Variants in OTUD7B observed in about 807,000 individuals in gnomAD.
OTUD7B encodes OTU domain-containing protein 7B.
Under a neutral mutation model 82.2 loss-of-function variants are expected in OTUD7B, and 34 were observed. That is an observed-to-expected ratio of 0.41 (90% CI 0.31 to 0.55). OTUD7B has a LOEUF of 0.55. OTUD7B is among the 20% of genes least tolerant of loss of function. The pLI, the probability that OTUD7B is intolerant of heterozygous loss-of-function variation, is 0.20. For missense variants in OTUD7B, 944 were observed against 1,062.1 expected (o/e 0.89, Z 1.55); for synonymous variants, 398 against 402.7 (o/e 0.99, Z 0.14).
chr1:150,022,424 T>A, the OTUD7B span, among the ~76,000 whole-genome samples: 96,759 of 104,274 alleles, frequency 0.93, 46,278 homozygotes, highest in South Asian at 0.99. Context: ...AAAAAAAAAA[T>A]AACTACATGC....
intron 5 of OTUD7B, among the ~76,000 whole-genome samples, chr1:149,965,092 C>T (rs1487836711): frequency 1.4e-5 from 2 of 146,710 alleles, no homozygotes; most frequent in Non-Finnish European, 3.0e-5. Flanking sequence ...GGGGTTTCAC[C>T]GTGTTGGCCA....
In OTUD7B at chr1:150,010,640, C is replaced by G. The variant is rs587655895; in HGVS notation, c.-259G>C. On this transcript the variant is annotated 5_prime_UTR_variant, in exon 1 of 12. Transcript: ENST00000581312. The stretch of plus-strand genomic sequence containing the variant: ...GATCTGGAGCTGGAGCCAGAAAGGA[C>G]TGATCGGGACTGGCCTCCCCCAGTG... The G allele has an allele frequency of 3.3e-5, 5 of 153,002 alleles. No homozygotes were observed. The highest frequency in any genetic ancestry group is 3.3e-4 in the Admixed American group (5 of 15,304). 9.5% of individuals were successfully genotyped at this position (153,002 alleles called of 1,614,324 possible). A position where few individuals can be genotyped will look rare whatever the true frequency, so the allele number is the denominator to read the frequency against.
the OTUD7B span, among the ~76,000 whole-genome samples, chr1:150,032,574 G>T: frequency 6.6e-6 from 1 of 151,668 alleles, no homozygotes. Context: ...GTTTAAGGCT[G>T]CAGTGAGACA....
intron 1 of OTUD7B, among the ~76,000 whole-genome samples, chr1:150,009,352 GTCCTTT>G (rs1652874301): frequency 1.3e-5 from 2 of 152,068 alleles, no homozygotes; most frequent in African/African-American, 4.8e-5. Context: ...TCTCTACTCT[GTCCTTT>G]TCCACCTTTG....
intron 3 of OTUD7B, among the ~76,000 whole-genome samples, chr1:149,968,216 A>G (rs1649649914): frequency 7.0e-6 from 1 of 142,938 alleles, no homozygotes. Context: ...GTGAGCCAAG[A>G]TTGTGCCACT....
At chr1:149,964,947 T>C (rs1455007795) in intron 5 of OTUD7B, among the ~76,000 whole-genome samples, 1 of 148,974 alleles carries the variant, frequency 6.7e-6, no homozygotes, top group Non-Finnish European at 1.5e-5. Flanking sequence ...TGGAGTACAG[T>C]GGTGCGATCT....
chr1:149,996,073 T>C (rs782705058), intron 1 of OTUD7B, among the ~76,000 whole-genome samples: 1 of 152,250 alleles, frequency 6.6e-6, no homozygotes, highest in Non-Finnish European at 1.5e-5. Context: ...CCAACTCGCA[T>C]GACCACATTA....
At chr1:150,009,956 A>AACACACAC (rs368706358) in intron 1 of OTUD7B, among the ~76,000 whole-genome samples, 1 of 151,076 alleles carries the variant, frequency 6.6e-6, no homozygotes, top group East Asian at 1.9e-4. Flanking sequence ...CACACACACA[A>AACACACAC]ACACACACAC....
chr1:150,029,671 TG>T, the OTUD7B span, among the ~76,000 whole-genome samples: 6 of 152,186 alleles, frequency 3.9e-5, no homozygotes, highest in African/African-American at 1.4e-4. Context: ...AGCAATTTGG[TG>T]GTTGCATTCT....
intron 1 of OTUD7B, 60 bp from the exon 2 acceptor site, chr1:149,977,636 C>T (rs1650418284): frequency 4.5e-6 from 3 of 671,224 alleles, no homozygotes; most frequent in Non-Finnish European, 8.0e-6. Flanking sequence ...ATCACAGTCC[C>T]ATGTCAGCAG....
chr1:149,987,241 G>A (rs1268515320), intron 1 of OTUD7B, among the ~76,000 whole-genome samples: 1 of 152,106 alleles, frequency 6.6e-6, no homozygotes, highest in African/African-American at 2.4e-5. Context: ...GAGAACATAC[G>A]CTCACATACA....
upstream of OTUD7B, among the ~76,000 whole-genome samples, chr1:150,012,375 C>G (rs1007053453): frequency 1.1e-4 from 17 of 152,118 alleles, no homozygotes; most frequent in Non-Finnish European, 1.6e-4. Context: ...ATTCTAGTAA[C>G]TCTACACAAA....
rs1408123431 is a variant in OTUD7B, at chr1:149,944,875, T to G, written c.1514A>C (p.Lys505Thr). The G allele has an allele frequency of 6.2e-7, 1 of 1,614,056 alleles. No homozygotes were observed. The highest frequency in any genetic ancestry group is 1.3e-5 in the African/African-American group (1 of 74,920). Residue 505 changes from lysine to threonine, a missense_variant, in exon 12 of 12, where the codon AAA (lysine) becomes ACA (threonine). By Grantham distance (78) the Lys-to-Thr change is moderately conservative (BLOSUM62 -1). Around this residue, in one of 3 missense-constraint regions of OTUD7B, gnomAD observed 2 missense variants for 17.8 expected, o/e 0.11. Coordinates refer to ENST00000581312, the MANE Select transcript of OTUD7B (RefSeq NM_020205.4). ...CAAGGTTTTGCCAAAGCTGCCCAGT[T>G]TGTTAGCCACAGAATCTGCTCTCTT... ...DKKRADSVAN[K>T]LGSFGKTLGS...
In OTUD7B at chr1:149,946,070, T is replaced by A. The variant is rs782037382; in HGVS notation, c.1324-1005A>T. On this transcript the variant is annotated intron_variant, in intron 11 of 11. Transcript: ENST00000581312. Reference sequence around the variant, plus strand: ...AGTGAAACTCCATCTCAAAGAAAAATAATAATAATAATAATAATATGTTTT... The same window carrying A: ...AGTGAAACTCCATCTCAAAGAAAAAAAATAATAATAATAATAATATGTTTT... 2.3e-3 allele frequency among the ~76,000 whole-genome samples: 48 copies of A among 20,704 alleles called. 1 individual carries two copies. Among genetic ancestry groups the A allele is most frequent in the African/African-American group, 4.1e-3 (22 of 5,432 alleles). The allele number at this position is 20,704 out of a possible 152,430, so 13.6% of individuals were successfully genotyped here.
At chr1:150,035,957 G>GTTT in the OTUD7B span, among the ~76,000 whole-genome samples, 6,328 of 134,172 alleles carry the variant, frequency 0.047, 692 homozygotes, top group African/African-American at 0.16. Flanking sequence ...CATTGTAACT[G>GTTT]TTTTTTTTTT....
chr1:150,013,621 T>TA (rs1204054317), upstream of OTUD7B, among the ~76,000 whole-genome samples: 4 of 151,934 alleles, frequency 2.6e-5, no homozygotes, highest in South Asian at 2.1e-4. Context: ...CCATATTTTT[T>TA]AAAAAAATAT....
rs1553772889 is a variant in OTUD7B at position 149,949,659 on chromosome 1, T to C, written c.1093A>G (p.Met365Val). 6 of 1,614,044 alleles carry C rather than the reference T, an allele frequency of 3.7e-6. No individual in the cohort carries two copies. Among genetic ancestry groups the C allele is most frequent in the East Asian group, 2.2e-5 (1 of 44,894 alleles). Residue 365 changes from methionine (M) to valine (V), a missense_variant, in exon 9 of 12, where the codon ATG (methionine) becomes GTG (valine). Met to Val is a conservative substitution (Grantham distance 21, BLOSUM62 1). Around this residue, in one of 3 missense-constraint regions of OTUD7B, gnomAD observed 530 missense variants for 625.6 expected, o/e 0.85. Coordinates refer to ENST00000581312, the MANE Select transcript of OTUD7B (RefSeq NM_020205.4). ...TCCTTGGTATTCTCCTTCTGCTCCA[T>C]GGACACGAGTGCAGAAAAGTGGGCC... ...DQAHFSALVS[M>V]EQKENTKEQA...
the OTUD7B span, among the ~76,000 whole-genome samples, chr1:150,030,084 CT>C: frequency 6.6e-6 from 1 of 152,174 alleles, no homozygotes; most frequent in African/African-American, 2.4e-5. Context: ...AAAATTACAC[CT>C]GTGGATTGAT....
At position 149,942,219 on chromosome 1, in the gene OTUD7B, C is replaced by G. The variant is rs1647303543; in HGVS notation, c.*1638G>C. ...AAAGAGAAATCCAAACACAGAAAAA[C>G]AGCCCCAGTTAATACTCTGGACACA... On this transcript the variant is annotated 3_prime_UTR_variant, in exon 12 of 12. Coordinates refer to ENST00000581312, the MANE Select transcript of OTUD7B (RefSeq NM_020205.4). The G allele has an allele frequency of 6.6e-6, 1 of 152,624 alleles. No homozygotes were observed. Among genetic ancestry groups the G allele is most frequent in the Non-Finnish European group, 1.5e-5 (1 of 68,044 alleles). The allele number at this position is 152,624 out of a possible 1,614,324, so 9.5% of individuals were successfully genotyped here. A position where few individuals can be genotyped will look rare whatever the true frequency, so the allele number is the denominator to read the frequency against.
Sources: gnomAD v4.1 joint callset for allele counts (sites outside exome capture counted in the v4.1 genomes callset) on GRCh38, gnomAD v4.1.1 for gene constraint, gnomAD v4.1.1 regional missense constraint, MANE v1.5 for transcripts, NCBI Gene and HGNC (gene_info 2026-07-23, HGNC 2026-07-21) for gene names.